Variants in PKD2L2 observed in about 807,000 individuals in gnomAD.
PKD2L2 encodes polycystin-2-like protein 2.
A neutral mutation model predicts 83.9 loss-of-function variants in PKD2L2; 67 were observed. The observed-to-expected ratio is 0.80, with a 90% CI of 0.66 to 0.98. The LOEUF (loss-of-function observed/expected upper bound fraction) is 0.98, where lower values mean the gene tolerates loss of function less well. PKD2L2 is among the 50% of genes least tolerant of loss of function. The pLI is 0.00. For synonymous variants in PKD2L2, 223 were observed against 237.8 expected, an observed-to-expected ratio of 0.94 and a Z score of 0.57; for missense variants, 632 against 717.2, an observed-to-expected ratio of 0.88 and a Z score of 1.36.
At chr5:137,916,777 G>A (rs1758396579) in intron 8 of PKD2L2, among the ~76,000 whole-genome samples, 1 of 151,912 alleles carries the variant, frequency 6.6e-6, no homozygotes. Context: ...GAGCCTGGCT[G>A]CCACCTTTTT....
At chr5:137,898,176 A>G (rs905377220) in intron 4 of PKD2L2, among the ~76,000 whole-genome samples, 3 of 152,098 alleles carry the variant, frequency 2.0e-5, no homozygotes, top group African/African-American at 4.8e-5. Context: ...CATGTTGGCC[A>G]GGCTGGTCTC....
intron 8 of PKD2L2, among the ~76,000 whole-genome samples, chr5:137,920,117 C>T (rs892047901): frequency 2.6e-5 from 4 of 151,998 alleles, no homozygotes; most frequent in Non-Finnish European, 4.4e-5. Flanking sequence ...GCAGGAGAAT[C>T]GCTTGAACCG....
At chr5:137,942,264 T>C in intron 14 of PKD2L2, 120 bp from the exon 15 acceptor site, 1 of 550,704 alleles carries the variant, frequency 1.8e-6, no homozygotes, top group Non-Finnish European at 3.2e-6. Context: ...ACCAGTGACA[T>C]ACACCATATC....
rs372546621 is a variant in PKD2L2, at chr5:137,936,307, C to T, written c.1785-13C>T. The T allele has an allele frequency of 1.3e-6, 2 of 1,525,922 alleles. No individual in the cohort carries two copies. Among genetic ancestry groups the T allele is most frequent in the South Asian group, 1.2e-5 (1 of 83,810 alleles). The allele number at this position is 1,525,922 out of a possible 1,614,324, so 94.5% of individuals were successfully genotyped here. Reference sequence around the variant, plus strand: ...TTACTGACTCATTCTCTACTTCCTTCGAAATTTTCTAGACTTTTTTTATAT... The same window carrying T: ...TTACTGACTCATTCTCTACTTCCTTTGAAATTTTCTAGACTTTTTTTATAT... On this transcript the variant is annotated splice_polypyrimidine_tract_variant and intron_variant, in intron 13 of 14. Transcript: ENST00000508883.
At chr5:137,898,124 GC>G (rs1461647353) in intron 4 of PKD2L2, among the ~76,000 whole-genome samples, 3 of 151,800 alleles carry the variant, frequency 2.0e-5, no homozygotes, top group Non-Finnish European at 4.4e-5. Flanking sequence ...GCGCCACCAC[GC>G]CCAGCTAATT....
intron 12 of PKD2L2, among the ~76,000 whole-genome samples, chr5:137,929,534 CAAAAAAAAAAAA>C (rs756601170): frequency 5.8e-3 from 20 of 3,444 alleles, no homozygotes; most frequent in East Asian, 7.6e-3. Context: ...ACAAAATTGC[CAAAAAAAAAAAA>C]AAAAAAAAAA....
intron 12 of PKD2L2, among the ~76,000 whole-genome samples, chr5:137,934,190 C>G (rs1195539605): frequency 1.3e-5 from 2 of 152,052 alleles, no homozygotes; most frequent in Non-Finnish European, 2.9e-5. Context: ...GTAGGGCGAG[C>G]AGGACGTAGG....
At chr5:137,911,794 T>C (rs1347488760) in intron 8 of PKD2L2, among the ~76,000 whole-genome samples, 1 of 152,172 alleles carries the variant, frequency 6.6e-6, no homozygotes, top group African/African-American at 2.4e-5. Context: ...TTGACATACA[T>C]CTCTCAACTC....
At chr5:137,895,947 C>T (rs1205128777) in intron 4 of PKD2L2, among the ~76,000 whole-genome samples, 4 of 150,928 alleles carry the variant, frequency 2.7e-5, no homozygotes, top group East Asian at 1.9e-4. Flanking sequence ...GAGGCCGAGG[C>T]GGGCGGATCA....
intron 9 of PKD2L2, 42 bp downstream of exon 9, chr5:137,921,798 A>C (rs1758933792): frequency 3.5e-6 from 5 of 1,409,094 alleles, no homozygotes; most frequent in Admixed American, 2.1e-5. Flanking sequence ...ACTTTTTAGA[A>C]TAAAAAGTAA....
intron 6 of PKD2L2, among the ~76,000 whole-genome samples, chr5:137,906,986 G>A (rs1255807707): frequency 6.6e-6 from 1 of 152,162 alleles, no homozygotes; most frequent in Admixed American, 6.5e-5. Context: ...GAAATGCACT[G>A]AAATAAACAG....
At chr5:137,918,401 G>C (rs1758572562) in intron 8 of PKD2L2, among the ~76,000 whole-genome samples, 1 of 152,176 alleles carries the variant, frequency 6.6e-6, no homozygotes, top group African/African-American at 2.4e-5. Flanking sequence ...TAAATCCCAA[G>C]GACATTACTT....
At chr5:137,924,719 T>C (rs2150049375) in intron 10 of PKD2L2, among the ~76,000 whole-genome samples, 1 of 152,244 alleles carries the variant, frequency 6.6e-6, no homozygotes, top group East Asian at 1.9e-4. Flanking sequence ...CTTTTATCAC[T>C]TGAATATGAT....
intron 12 of PKD2L2, among the ~76,000 whole-genome samples, chr5:137,929,275 A>G (rs889254992): frequency 6.6e-6 from 1 of 152,010 alleles, no homozygotes; most frequent in Non-Finnish European, 1.5e-5. Context: ...CAGCCTGACA[A>G]ACATGGAGAA....
In PKD2L2 at chr5:137,942,150, G is replaced by C; in HGVS notation, c.*18-234G>C. On this transcript the variant is annotated intron_variant, in intron 14 of 14. Coordinates refer to ENST00000508883, the MANE Select transcript of PKD2L2 (RefSeq NM_001300921.2). ...ATTAAAAGTGGCTGGGGAACTGTTA[G>C]GTCTACCAATGCCTAAGCTCCACTG... 1.6e-5 allele frequency: 14 copies of C among 868,602 alleles called. No homozygotes were observed. The South Asian group carries it at 2.2e-4, about 14-fold the overall frequency. 53.8% of individuals were successfully genotyped at this position (868,602 alleles called of 1,614,324 possible). A position where few individuals can be genotyped will look rare whatever the true frequency, so the allele number is the denominator to read the frequency against.
At chr5:137,899,438 C>T in intron 4 of PKD2L2, 78 bp from the exon 5 acceptor site, 7 of 1,042,878 alleles carry the variant, frequency 6.7e-6, no homozygotes, top group Admixed American at 2.1e-5. Context: ...ACTTTTGAAC[C>T]AAAGATCGAT....
intron 8 of PKD2L2, among the ~76,000 whole-genome samples, chr5:137,918,019 A>C (rs767401866): frequency 6.6e-6 from 1 of 152,202 alleles, no homozygotes; most frequent in Non-Finnish European, 1.5e-5. Context: ...GCAGTTTGAG[A>C]CCAGTCTGGG....
Position 137,907,816 on chromosome 5 carries a change from A to G in PKD2L2, c.1050A>G (p.Lys350=). Residue 350 remains lysine, a synonymous_variant, in exon 7 of 15, where the codon AAA becomes AAG. Transcript: ENST00000508883. ...QIFLLLGQLL[K]STEKYSDFYF... ...TTCTCTTACTTGGACAGCTGTTGAA[A>G]AGTACTGAAAAATATTCAGATTTCT... The G allele has an allele frequency of 1.9e-6, 3 of 1,579,512 alleles. No homozygotes were observed. Among genetic ancestry groups the G allele is most frequent in the Non-Finnish European group, 2.6e-6 (3 of 1,152,030 alleles).
At position 137,908,774 on chromosome 5, in the gene PKD2L2, T is replaced by G; in HGVS notation, c.1156T>G (p.Phe386Val). The G allele has an allele frequency of 6.5e-7, 1 of 1,529,188 alleles. No individual in the cohort carries two copies. Among genetic ancestry groups the G allele is most frequent in the Admixed American group, 2.0e-5 (1 of 49,760 alleles). The allele number at this position is 1,529,188 out of a possible 1,614,324, so 94.7% of individuals were successfully genotyped here. A position where few individuals can be genotyped will look rare whatever the true frequency, so the allele number is the denominator to read the frequency against. Residue 386 changes from phenylalanine to valine, a missense_variant, in exon 8 of 15, where the codon TTC becomes GTC. This residue lies in a region of PKD2L2 where 399 missense variants were observed against 416.9 expected (regional missense o/e 0.96). Coordinates refer to ENST00000508883, the MANE Select transcript of PKD2L2 (RefSeq NM_001300921.2). ...CTTTGTTCTTTTTCAGATATTCAAATTCATAAGCTTTAACAAGACAATGTC... is the reference window on the plus strand; with the variant it reads ...CTTTGTTCTTTTTCAGATATTCAAAGTCATAAGCTTTAACAAGACAATGTC... ...IFFAWIKIFK[F>V]ISFNKTMSQL...
Sources: allele counts gnomAD v4.1 joint callset (sites outside exome capture counted in the v4.1 genomes callset), GRCh38; gene constraint gnomAD v4.1.1; regional missense constraint gnomAD v4.1.1; transcripts MANE v1.5; gene names NCBI Gene and HGNC (gene_info 2026-07-23, HGNC 2026-07-21).